The following ATAD2B variants were observed in gnomAD, a reference collection of about 807,000 sequenced individuals.
The protein encoded by ATAD2B is ATPase family AAA domain-containing protein 2B.
A neutral mutation model predicts 167.6 loss-of-function variants in ATAD2B; 40 were observed. The observed-to-expected ratio is 0.24, with a 90% CI of 0.19 to 0.31. The LOEUF is 0.31. Among genes scored for constraint, ATAD2B ranks in the 10% least tolerant of loss-of-function variants. ATAD2B has a pLI of 1.00. For missense variants in ATAD2B, 1,242 were observed against 1,757.2 expected, an observed-to-expected ratio of 0.71 and a Z score of 5.24; for synonymous variants, 579 against 596.5, an observed-to-expected ratio of 0.97 and a Z score of 0.43.
Position 23,875,860 on chromosome 2 carries a change from G to T in ATAD2B, c.946C>A (p.His316Asn). ...KKRENTLFDI[H>N]RSPARRSHIR... ...TGGCTTCTTCTTGCTGGAGATCTAT[G>T]AATATCAAACAGCGTGTTTTCCCTC... Residue 316 changes from histidine (H) to asparagine (N), a missense_variant, in exon 8 of 28, where the codon CAT (histidine) becomes AAT (asparagine). Coordinates refer to ENST00000238789, the MANE Select transcript of ATAD2B (RefSeq NM_017552.4). 1 of 1,610,454 alleles carries T rather than the reference G, an allele frequency of 6.2e-7. No homozygotes were observed. Among genetic ancestry groups the T allele is most frequent in the South Asian group, 1.1e-5 (1 of 90,358 alleles).
intron 14 of ATAD2B, among the ~76,000 whole-genome samples, chr2:23,831,550 T>C (rs1407414092): frequency 6.6e-6 from 1 of 152,120 alleles, no homozygotes; most frequent in Admixed American, 6.6e-5. Context: ...AGCAGACTAT[T>C]TCACAGCACA....
chr2:23,819,650 TC>T, intron 17 of ATAD2B, 96 bp downstream of exon 17: 1 of 968,942 alleles, frequency 1.0e-6, no homozygotes, highest in Non-Finnish European at 1.4e-6. Context: ...AACAATATCC[TC>T]ACAGTTATAA....
At chr2:23,711,375 T>C in the ATAD2B span, among the ~76,000 whole-genome samples, 1 of 41,456 alleles carries the variant, frequency 2.4e-5, no homozygotes, top group African/African-American at 7.0e-5. Context: ...TTTTTTTTTT[T>C]TTTTTTTGGA....
At chr2:23,711,099 G>A in the ATAD2B span, among the ~76,000 whole-genome samples, 4 of 152,108 alleles carry the variant, frequency 2.6e-5, no homozygotes, top group Non-Finnish European at 5.9e-5. Context: ...TTGTGGGTAT[G>A]TGATACACAT....
chr2:23,711,747 A>T, the ATAD2B span, among the ~76,000 whole-genome samples: 1 of 152,190 alleles, frequency 6.6e-6, no homozygotes, highest in African/African-American at 2.4e-5. Context: ...GCAATGGAGA[A>T]GTTAGAGAGG....
At chr2:23,731,185 C>G in the ATAD2B span, among the ~76,000 whole-genome samples, 1 of 151,348 alleles carries the variant, frequency 6.6e-6, no homozygotes, top group Non-Finnish European at 1.5e-5. Flanking sequence ...AACTCATCAC[C>G]TTTGGATTGG....
the ATAD2B span, chr2:23,706,402 G>A: frequency 8.5e-7 from 1 of 1,172,418 alleles, no homozygotes; most frequent in African/African-American, 1.6e-5. Flanking sequence ...GCCTACAACA[G>A]GACACGACGT....
downstream of ATAD2B, among the ~76,000 whole-genome samples, chr2:23,748,140 T>C (rs1419698030): frequency 6.6e-6 from 1 of 152,108 alleles, no homozygotes; most frequent in Admixed American, 6.6e-5. Flanking sequence ...AGTAAGAATT[T>C]ATATTGAGGA....
At chr2:23,692,660 G>A in the ATAD2B span, among the ~76,000 whole-genome samples, 2 of 152,164 alleles carry the variant, frequency 1.3e-5, no homozygotes, top group Admixed American at 1.3e-4. Context: ...AGAACCACTA[G>A]CATGAAGGGG....
the ATAD2B span, chr2:23,696,901 G>A: frequency 2.2e-4 from 40 of 177,798 alleles, no homozygotes; most frequent in East Asian, 2.8e-3. The surrounding 1 kb of genome is among the most constrained non-coding windows in gnomAD (Gnocchi z 5.5). Context: ...CTGGGGTTTC[G>A]GGCAAAGCTG....
chr2:23,684,376 T>C, the ATAD2B span: 1 of 1,408,980 alleles, frequency 7.1e-7, no homozygotes, highest in Non-Finnish European at 9.3e-7. The surrounding 1 kb of genome is among the most constrained non-coding windows in gnomAD (Gnocchi z 4.4). Flanking sequence ...AACCTGGCCC[T>C]GTCTGTCTTC....
chr2:23,856,946 C>T (rs890109332), intron 13 of ATAD2B, among the ~76,000 whole-genome samples: 10 of 151,832 alleles, frequency 6.6e-5, no homozygotes, highest in Non-Finnish European at 1.3e-4. Flanking sequence ...CAGTGGCTCA[C>T]GCCTGTAATC....
chr2:23,803,732 GGATA>G (rs1176611034), intron 18 of ATAD2B, among the ~76,000 whole-genome samples: 3 of 152,126 alleles, frequency 2.0e-5, no homozygotes, highest in African/African-American at 7.2e-5. Flanking sequence ...ATGTTTTAAA[GGATA>G]GACATAAAAT....
At chr2:23,830,964 G>A (rs1262634835) in intron 14 of ATAD2B, among the ~76,000 whole-genome samples, 3 of 151,868 alleles carry the variant, frequency 2.0e-5, no homozygotes, top group Admixed American at 2.0e-4. Flanking sequence ...TCTAAGGTTA[G>A]CAAGTTATCT....
intron 1 of ATAD2B, among the ~76,000 whole-genome samples, chr2:23,918,908 T>C (rs186606101): frequency 6.6e-6 from 1 of 152,358 alleles, no homozygotes. Flanking sequence ...AATGCGAGTA[T>C]CATCACTTGC....
At chr2:23,768,669 C>T (rs1027352471) in intron 22 of ATAD2B, among the ~76,000 whole-genome samples, 1 of 151,946 alleles carries the variant, frequency 6.6e-6, no homozygotes, top group Non-Finnish European at 1.5e-5. Flanking sequence ...GCCCTCTATT[C>T]CCAAGCAATG....
the ATAD2B span, among the ~76,000 whole-genome samples, chr2:23,719,240 A>T: frequency 2.2e-4 from 34 of 152,304 alleles, no homozygotes; most frequent in East Asian, 4.1e-3. Context: ...CCAAGACTGT[A>T]ACAGGGCCCA....
Position 23,751,968 on chromosome 2 carries a change from C to T in ATAD2B, c.*78G>A. On this transcript the variant is annotated 3_prime_UTR_variant, in exon 28 of 28. Coordinates refer to ENST00000238789, the MANE Select transcript of ATAD2B (RefSeq NM_017552.4). ...ACCAAGGCTCTGCACATAATTGGTG[C>T]AATTTGAAATTGAATGGCTCAGAAG... The T allele has an allele frequency of 9.0e-7, 1 of 1,104,982 alleles. No individual in the cohort carries two copies. The highest frequency in any genetic ancestry group is 1.3e-6 in the Non-Finnish European group (1 of 750,494). The allele number at this position is 1,104,982 out of a possible 1,614,324, so 68.4% of individuals were successfully genotyped here. A position where few individuals can be genotyped will look rare whatever the true frequency, so the allele number is the denominator to read the frequency against.
At chr2:23,779,397 G>A (rs1312312483) in intron 22 of ATAD2B, among the ~76,000 whole-genome samples, 11 of 151,704 alleles carry the variant, frequency 7.3e-5, no homozygotes, top group Non-Finnish European at 1.3e-4. Flanking sequence ...GGATGGTCTC[G>A]ATCTCCTGAC....
Sources: allele counts gnomAD v4.1 joint callset (sites outside exome capture counted in the v4.1 genomes callset), GRCh38; gene constraint gnomAD v4.1.1; non-coding constraint Gnocchi (gnomAD v3.1); transcripts MANE v1.5; gene names NCBI Gene and HGNC (gene_info 2026-07-23, HGNC 2026-07-21).